Variants in NBAS observed in about 807,000 individuals in gnomAD.
The protein encoded by NBAS is NAG/BC035112 fusion.
In NBAS, 219 loss-of-function variants were observed where a neutral mutation model predicts 302.5. The observed-to-expected ratio is 0.72, with a 90% confidence interval of 0.65 to 0.81. The LOEUF (loss-of-function observed/expected upper bound fraction) is 0.81, where lower values mean the gene tolerates loss of function less well. NBAS is among the 30% of genes least tolerant of loss of function. The pLI is 0.00. For missense variants in NBAS, 2,932 were observed against 2,841.6 expected, an observed-to-expected ratio of 1.03 and a Z score of -0.72; for synonymous variants, 1,118 against 1,021.6, an observed-to-expected ratio of 1.09 and a Z score of -1.80.
chr2:15,363,178 T>A (rs979453034), intron 32 of NBAS, among the ~76,000 whole-genome samples: 5 of 152,234 alleles, frequency 3.3e-5, no homozygotes, highest in African/African-American at 7.2e-5. Context: ...GCTCCTGATC[T>A]TCTCTTCCTG....
At chr2:15,030,300 G>T in the NBAS span, among the ~76,000 whole-genome samples, 2 of 152,204 alleles carry the variant, frequency 1.3e-5, no homozygotes, top group Non-Finnish European at 2.9e-5. Context: ...ATAGTCAGAG[G>T]AGAGTGCAAG....
intron 44 of NBAS, among the ~76,000 whole-genome samples, chr2:15,272,625 G>A (rs1031515975): frequency 6.6e-6 from 1 of 152,184 alleles, no homozygotes; most frequent in Non-Finnish European, 1.5e-5. Context: ...AATTTTAAAT[G>A]TATCTGTCTC....
At chr2:15,108,034 C>T in the NBAS span, among the ~76,000 whole-genome samples, 4 of 152,010 alleles carry the variant, frequency 2.6e-5, no homozygotes, top group African/African-American at 7.3e-5. Context: ...CTTTTTATTG[C>T]TAATTAGAGT....
chr2:15,083,020 T>C, the NBAS span, among the ~76,000 whole-genome samples: 1 of 152,226 alleles, frequency 6.6e-6, no homozygotes, highest in East Asian at 1.9e-4. Flanking sequence ...TATTCATCCT[T>C]TGGAATATTT....
At chr2:15,202,896 A>C (rs1037615966) in intron 48 of NBAS, among the ~76,000 whole-genome samples, 19 of 152,154 alleles carry the variant, frequency 1.2e-4, no homozygotes, top group African/African-American at 4.3e-4. Flanking sequence ...GCTTTGAGTT[A>C]AATTTGATGA....
At chr2:15,203,195 T>C (rs1665961726) in intron 48 of NBAS, among the ~76,000 whole-genome samples, 1 of 152,164 alleles carries the variant, frequency 6.6e-6, no homozygotes, top group African/African-American at 2.4e-5. Context: ...TGAGCATCTA[T>C]GGTAGCTACT....
At chr2:15,172,799 T>C (rs1337340572) in intron 51 of NBAS, among the ~76,000 whole-genome samples, 1 of 152,156 alleles carries the variant, frequency 6.6e-6, no homozygotes. Flanking sequence ...TCAAATAACT[T>C]TGAATTACAG....
chr2:15,536,590 A>G, intron 7 of NBAS, 39 bp from the exon 8 acceptor site: 1 of 1,550,916 alleles, frequency 6.4e-7, no homozygotes, highest in South Asian at 1.2e-5. Context: ...AAAAAAAAAA[A>G]AACTAGATAA....
intron 51 of NBAS, among the ~76,000 whole-genome samples, chr2:15,168,109 A>G (rs1311215547): frequency 1.3e-5 from 2 of 152,228 alleles, no homozygotes; most frequent in Admixed American, 1.3e-4. Flanking sequence ...AATCAAGTCC[A>G]CACTGATCAT....
At chr2:14,994,644 C>T in the NBAS span, among the ~76,000 whole-genome samples, 70 of 152,326 alleles carry the variant, frequency 4.6e-4, no homozygotes, top group African/African-American at 9.1e-4. Flanking sequence ...GTCCACCTTC[C>T]GGGCATGCCA....
At chr2:14,908,854 T>C in the NBAS span, among the ~76,000 whole-genome samples, 1 of 152,040 alleles carries the variant, frequency 6.6e-6, no homozygotes, top group Non-Finnish European at 1.5e-5. Context: ...AAATCACAGC[T>C]GCTCAGAGCT....
intron 40 of NBAS, among the ~76,000 whole-genome samples, chr2:15,295,349 G>C (rs1018858763): frequency 6.6e-6 from 1 of 152,172 alleles, no homozygotes; most frequent in African/African-American, 2.4e-5. Flanking sequence ...GTGACAAAAA[G>C]ACAGTAGTGT....
At chr2:14,838,409 T>C in the NBAS span, among the ~76,000 whole-genome samples, 1 of 151,964 alleles carries the variant, frequency 6.6e-6, no homozygotes, top group East Asian at 1.9e-4. Flanking sequence ...TGGTTTTCTT[T>C]CAATTTTGTT....
At chr2:14,781,359 T>C in the NBAS span, among the ~76,000 whole-genome samples, 1 of 152,210 alleles carries the variant, frequency 6.6e-6, no homozygotes, top group African/African-American at 2.4e-5. Context: ...AAGTGACTAC[T>C]CTGTTTTCAT....
At chr2:15,254,090 A>G (rs1035658719) in intron 44 of NBAS, among the ~76,000 whole-genome samples, 2 of 152,124 alleles carry the variant, frequency 1.3e-5, no homozygotes, top group Admixed American at 6.5e-5. Flanking sequence ...AACTTCTCCA[A>G]TTACTCCTGC....
the NBAS span, among the ~76,000 whole-genome samples, chr2:14,791,740 G>A: frequency 6.6e-6 from 1 of 151,908 alleles, no homozygotes; most frequent in Admixed American, 6.6e-5. Context: ...GGAGGCGGAG[G>A]TGGCAGTGAG....
At position 15,401,693 on chromosome 2, in the gene NBAS, T is replaced by C. The variant is rs140994691; in HGVS notation, c.3071+475A>G. 4.9e-3 allele frequency among the ~76,000 whole-genome samples: 746 copies of C among 152,282 alleles called. 1 individual carries two copies. Among genetic ancestry groups the C allele is most frequent in the Middle Eastern group, 0.027 (8 of 294 alleles). The stretch of plus-strand genomic sequence containing the variant: ...CATACAACTAAATAATCCAAAAGCA[T>C]ATTATATACGTTTCCATTTAAACAT... On this transcript the variant is annotated intron_variant, in intron 26 of 51. Coordinates refer to ENST00000281513, the MANE Select transcript of NBAS (RefSeq NM_015909.4).
the NBAS span, among the ~76,000 whole-genome samples, chr2:14,792,212 A>G: frequency 6.6e-6 from 1 of 152,212 alleles, no homozygotes; most frequent in Admixed American, 6.5e-5. Context: ...GCCCAAACGT[A>G]CAGACACTCC....
chr2:14,886,400 C>A, the NBAS span, among the ~76,000 whole-genome samples: 3 of 152,324 alleles, frequency 2.0e-5, no homozygotes, highest in East Asian at 3.9e-4. Flanking sequence ...TCATCTCCTG[C>A]GTGAAGCCTT....
Sources: gnomAD v4.1 joint callset for allele counts (sites outside exome capture counted in the v4.1 genomes callset) on GRCh38, gnomAD v4.1.1 for gene constraint, MANE v1.5 for transcripts, NCBI Gene and HGNC (gene_info 2026-07-23, HGNC 2026-07-21) for gene names.